Variants in DPP10 observed in about 807,000 individuals in gnomAD.
The protein encoded by DPP10 is dipeptidyl peptidase like 10.
In DPP10, 33 loss-of-function variants were observed where a neutral mutation model predicts 120.9. The ratio of observed to expected loss-of-function variants is 0.27; its 90% CI spans 0.21 to 0.37. The LOEUF (loss-of-function observed/expected upper bound fraction) is 0.37, where lower values mean the gene tolerates loss of function less well. DPP10 is among the 10% of genes least tolerant of loss of function. DPP10 has a pLI of 1.00. For missense variants in DPP10, 816 were observed against 942.8 expected (o/e 0.87, Z 1.76); for synonymous variants, 337 against 326.1 (o/e 1.03, Z -0.36).
chr2:114,520,451 TA>T (rs1684960592), intron 1 of DPP10, among the ~76,000 whole-genome samples: 2 of 152,224 alleles, frequency 1.3e-5, no homozygotes, highest in Admixed American at 1.3e-4. Context: ...CTTTTGTCTG[TA>T]AAATTCATTA....
chr2:114,612,806 A>G (rs1693384566), intron 1 of DPP10, among the ~76,000 whole-genome samples: 1 of 152,162 alleles, frequency 6.6e-6, no homozygotes, highest in Non-Finnish European at 1.5e-5. Context: ...TTACATGAAA[A>G]TCATATTTGC....
chr2:115,113,768 G>A (rs977469169), intron 1 of DPP10, among the ~76,000 whole-genome samples: 1 of 152,156 alleles, frequency 6.6e-6, no homozygotes, highest in African/African-American at 2.4e-5. Context: ...CAAAACTGGA[G>A]TTTACAAGAG....
rs13405055 is a variant in DPP10, at chr2:114,936,228, G to A, written c.61-373011G>A. Among the ~76,000 whole-genome samples the A allele has an allele frequency of 3.2e-3, 483 of 152,136 alleles. 1 individual carries two copies. Among genetic ancestry groups the A allele is most frequent in the African/African-American group, 0.011 (472 of 41,522 alleles). On this transcript the variant is annotated intron_variant, in intron 1 of 25. Transcript: ENST00000410059. ...AGCTTAGCTCGCACTTTAAGAGTGA[G>A]AATGTACAATGTTTGGTTTTCCATT...
intron 1 of DPP10, among the ~76,000 whole-genome samples, chr2:114,876,448 A>G (rs1418358841): frequency 6.6e-6 from 1 of 152,128 alleles, no homozygotes; most frequent in Admixed American, 6.6e-5. Flanking sequence ...TGTGAATTCC[A>G]AAAGCTTTGG....
At chr2:114,899,376 A>G (rs1693342706) in intron 1 of DPP10, among the ~76,000 whole-genome samples, 1 of 152,102 alleles carries the variant, frequency 6.6e-6, no homozygotes, top group Non-Finnish European at 1.5e-5. Context: ...TACTAAATAA[A>G]CTGTTGTACA....
At chr2:114,871,331 T>C (rs1690675890) in intron 1 of DPP10, among the ~76,000 whole-genome samples, 1 of 152,226 alleles carries the variant, frequency 6.6e-6, no homozygotes, top group South Asian at 2.1e-4. Flanking sequence ...AAAATTTGAA[T>C]ACTTTCTAAT....
chr2:115,577,778 G>A (rs1004072403), intron 5 of DPP10, among the ~76,000 whole-genome samples: 4 of 151,986 alleles, frequency 2.6e-5, no homozygotes, highest in African/African-American at 9.7e-5. Context: ...CCTTTTTGCA[G>A]GTATGTGTCC....
intron 1 of DPP10, among the ~76,000 whole-genome samples, chr2:115,263,384 T>C (rs2059333411): frequency 6.6e-6 from 1 of 152,262 alleles, no homozygotes; most frequent in Non-Finnish European, 1.5e-5. Context: ...TGTGGCTTAA[T>C]GTCTAATTGC....
At chr2:115,264,952 G>A (rs924671534) in intron 1 of DPP10, among the ~76,000 whole-genome samples, 3 of 152,088 alleles carry the variant, frequency 2.0e-5, no homozygotes, top group African/African-American at 7.2e-5. Context: ...TTTATTAGGG[G>A]TGTCAAATGT....
chr2:114,799,154 A>G (rs147128229), intron 1 of DPP10, among the ~76,000 whole-genome samples: 32 of 152,350 alleles, frequency 2.1e-4, no homozygotes, highest in African/African-American at 7.7e-4. Context: ...TAAAAAGTTT[A>G]TATTAAAGAA....
At chr2:114,804,415 G>A (rs1477990643) in intron 1 of DPP10, among the ~76,000 whole-genome samples, 2 of 152,272 alleles carry the variant, frequency 1.3e-5, no homozygotes, top group African/African-American at 4.8e-5. Flanking sequence ...TCCCAGAATG[G>A]TAGATCCACC....
intron 1 of DPP10, among the ~76,000 whole-genome samples, chr2:114,632,396 CTA>C (rs998892177): frequency 2.0e-5 from 3 of 147,754 alleles, no homozygotes; most frequent in Admixed American, 1.4e-4. Context: ...TTTATAAGTA[CTA>C]TATATATATA....
intron 3 of DPP10, among the ~76,000 whole-genome samples, chr2:115,407,202 TAATC>T (rs1373953642): frequency 2.6e-5 from 4 of 152,074 alleles, no homozygotes; most frequent in African/African-American, 7.2e-5. Context: ...TATTCAGAAA[TAATC>T]AGTCAGGAAA....
At chr2:114,450,629 T>C (rs1201882070) in intron 1 of DPP10, among the ~76,000 whole-genome samples, 1 of 152,104 alleles carries the variant, frequency 6.6e-6, no homozygotes, top group Admixed American at 6.6e-5. Flanking sequence ...ACCTGTTACT[T>C]TGAAATATGC....
chr2:114,955,214 T>C (rs548833484), intron 1 of DPP10, among the ~76,000 whole-genome samples: 1 of 152,322 alleles, frequency 6.6e-6, no homozygotes, highest in South Asian at 2.1e-4. Context: ...TTAGACCATA[T>C]AGGGTAACTT....
chr2:114,700,711 A>G (rs1382819869), intron 1 of DPP10, among the ~76,000 whole-genome samples: 1 of 151,958 alleles, frequency 6.6e-6, no homozygotes, highest in Admixed American at 6.6e-5. Flanking sequence ...CAGCCTCTTC[A>G]CTGGAGCTTT....
At chr2:115,515,098 T>A (rs960324669) in intron 4 of DPP10, among the ~76,000 whole-genome samples, 3 of 151,934 alleles carry the variant, frequency 2.0e-5, no homozygotes, top group Non-Finnish European at 2.9e-5. Flanking sequence ...ACAAAAAAAA[T>A]TGTGTAATAG....
At chr2:114,503,825 TA>T (rs1366079529) in intron 1 of DPP10, among the ~76,000 whole-genome samples, 6 of 152,172 alleles carry the variant, frequency 3.9e-5, no homozygotes, top group Non-Finnish European at 1.5e-5. Context: ...TTTTGTCCCA[TA>T]AAAAATAAGA....
intron 1 of DPP10, among the ~76,000 whole-genome samples, chr2:114,872,599 GCTTTATGT>G (rs1690779957): frequency 6.6e-6 from 1 of 152,120 alleles, no homozygotes; most frequent in Admixed American, 6.5e-5. Flanking sequence ...CTCATGGCAG[GCTTTATGT>G]CAGAATCTGA....
Sources: gnomAD v4.1 joint callset for allele counts (sites outside exome capture counted in the v4.1 genomes callset) on GRCh38, gnomAD v4.1.1 for gene constraint, MANE v1.5 for transcripts, NCBI Gene and HGNC (gene_info 2026-07-23, HGNC 2026-07-21) for gene names.